Variants in TMTC2 observed in about 807,000 individuals in gnomAD.
The protein encoded by TMTC2 is protein O-mannosyl-transferase TMTC2.
A neutral mutation model predicts 82.4 loss-of-function variants in TMTC2; 43 were observed. The ratio of observed to expected loss-of-function variants is 0.52; its 90% CI spans 0.41 to 0.67. TMTC2 has a LOEUF of 0.67. Among genes scored for constraint, TMTC2 ranks in the 30% least tolerant of loss-of-function variants. The probability of loss-of-function intolerance (pLI) is 0.00; values close to 1 mark genes in which losing one functional copy is unlikely to be tolerated. For synonymous variants in TMTC2, 408 were observed against 381.9 expected (o/e 1.07, Z -0.80); for missense variants, 919 against 1,012.4 (o/e 0.91, Z 1.25).
At chr12:83,096,075 C>T (rs1884018678) in intron 11 of TMTC2, among the ~76,000 whole-genome samples, 1 of 152,230 alleles carries the variant, frequency 6.6e-6, no homozygotes, top group South Asian at 2.1e-4. Context: ...ACTTTACAGG[C>T]ACTTCACAGA....
chr12:83,043,093 T>C (rs1358185205), intron 9 of TMTC2, among the ~76,000 whole-genome samples: 1 of 152,144 alleles, frequency 6.6e-6, no homozygotes, highest in Non-Finnish European at 1.5e-5. Flanking sequence ...AAGGGAAGGC[T>C]AGAGAGATTA....
intron 4 of TMTC2, among the ~76,000 whole-genome samples, chr12:82,960,643 A>C (rs573008401): frequency 6.6e-6 from 1 of 151,942 alleles, no homozygotes; most frequent in East Asian, 1.9e-4. Flanking sequence ...GGAGGGAGGA[A>C]AGGAGGAAGG....
chr12:82,709,958 G>GT (rs1156330558), intron 1 of TMTC2, among the ~76,000 whole-genome samples: 2 of 151,984 alleles, frequency 1.3e-5, no homozygotes, highest in Admixed American at 6.6e-5. Flanking sequence ...TAATTCTGTA[G>GT]TTTTTTTTCA....
chr12:82,829,238 T>C (rs1592556215), intron 1 of TMTC2, among the ~76,000 whole-genome samples: 1 of 152,308 alleles, frequency 6.6e-6, no homozygotes, highest in East Asian at 1.9e-4. Context: ...AAATTTATAA[T>C]TGGAACTAAA....
chr12:82,903,951 C>T (rs892643518), intron 3 of TMTC2, among the ~76,000 whole-genome samples: 1 of 152,068 alleles, frequency 6.6e-6, no homozygotes, highest in Non-Finnish European at 1.5e-5. Context: ...GGGTTAGAAT[C>T]GGGAGTAGAG....
intron 2 of TMTC2, among the ~76,000 whole-genome samples, chr12:82,882,014 T>G (rs1872848421): frequency 6.8e-6 from 1 of 147,674 alleles, no homozygotes; most frequent in African/African-American, 2.5e-5. Context: ...TTTTTTTTTT[T>G]TTTGAGACGG....
chr12:82,923,282 G>A (rs146207732), intron 3 of TMTC2, among the ~76,000 whole-genome samples: 9 of 152,104 alleles, frequency 5.9e-5, no homozygotes, highest in African/African-American at 1.9e-4. Context: ...ATTTATTTTG[G>A]TTTTCCTTTT....
intron 8 of TMTC2, among the ~76,000 whole-genome samples, chr12:83,004,362 T>C (rs911237657): frequency 1.3e-5 from 2 of 152,220 alleles, no homozygotes; most frequent in African/African-American, 4.8e-5. Context: ...TCCAAATTTC[T>C]AAATTGTACA....
intron 1 of TMTC2, among the ~76,000 whole-genome samples, chr12:82,805,239 G>T (rs1328598387): frequency 6.6e-6 from 1 of 152,162 alleles, no homozygotes; most frequent in East Asian, 1.9e-4. Flanking sequence ...AACAAGCTAT[G>T]ACCTAATGCT....
chr12:82,954,216 C>T (rs899420956), intron 4 of TMTC2, among the ~76,000 whole-genome samples: 5 of 152,080 alleles, frequency 3.3e-5, no homozygotes, highest in African/African-American at 4.8e-5. Flanking sequence ...CTTGAGTTTT[C>T]GTACACATGG....
intron 8 of TMTC2, among the ~76,000 whole-genome samples, chr12:83,002,111 T>C (rs1373033762): frequency 6.6e-6 from 1 of 152,146 alleles, no homozygotes; most frequent in Non-Finnish European, 1.5e-5. Context: ...AGTGGAAATC[T>C]TTTTTGGTGG....
At chr12:82,805,600 G>A (rs1447210612) in intron 1 of TMTC2, among the ~76,000 whole-genome samples, 1 of 144,118 alleles carries the variant, frequency 6.9e-6, no homozygotes, top group Non-Finnish European at 1.5e-5. Context: ...CTCCGTCTCC[G>A]GGGTTCACGC....
chr12:82,728,756 C>T (rs370516907), intron 1 of TMTC2, among the ~76,000 whole-genome samples: 6 of 152,282 alleles, frequency 3.9e-5, no homozygotes, highest in East Asian at 1.9e-4. Context: ...CCTCAGCTTG[C>T]GGGGAGGTGT....
Position 82,850,337 on chromosome 12 carries a change from T to C in TMTC2, c.84-6673T>C, listed in dbSNP as rs558991892. Among the ~76,000 whole-genome samples the C allele has an allele frequency of 2.0e-5, 3 of 152,256 alleles. No homozygotes were observed. In the East Asian group the frequency reaches 5.8e-4, roughly 29 times the overall value. On this transcript the variant is annotated intron_variant, in intron 1 of 11. Coordinates refer to ENST00000321196, the MANE Select transcript of TMTC2 (RefSeq NM_152588.3). ...GGCTAATTCGCAAAAGCAGCACATG[T>C]AGTGTTAATAGAAGACCCTGGATTC...
At chr12:82,740,853 C>T (rs1769365668) in intron 1 of TMTC2, among the ~76,000 whole-genome samples, 1 of 152,208 alleles carries the variant, frequency 6.6e-6, no homozygotes, top group South Asian at 2.1e-4. Context: ...TAAAAGGCCT[C>T]TTTCATGCTG....
chr12:82,877,357 G>A (rs1344943697), intron 2 of TMTC2, among the ~76,000 whole-genome samples: 1 of 152,138 alleles, frequency 6.6e-6, no homozygotes, highest in Non-Finnish European at 1.5e-5. Context: ...GACAGTTGCT[G>A]TTTCAGGAAT....
intron 3 of TMTC2, among the ~76,000 whole-genome samples, chr12:82,897,027 C>T (rs1873723412): frequency 6.6e-6 from 1 of 152,154 alleles, no homozygotes; most frequent in Admixed American, 6.6e-5. Context: ...CTGAAGTATA[C>T]TTCAGCTCTT....
At chr12:82,732,423 A>G (rs1592884225) in intron 1 of TMTC2, among the ~76,000 whole-genome samples, 1 of 151,780 alleles carries the variant, frequency 6.6e-6, no homozygotes, top group African/African-American at 2.4e-5. Context: ...GCTCACTGCA[A>G]CCTCTGCCTC....
chr12:82,771,602 A>G (rs1877314621), intron 1 of TMTC2, among the ~76,000 whole-genome samples: 1 of 152,194 alleles, frequency 6.6e-6, no homozygotes, highest in East Asian at 1.9e-4. Context: ...AGAATAAATA[A>G]TGGTATAACT....
Sources: allele counts gnomAD v4.1 joint callset (sites outside exome capture counted in the v4.1 genomes callset), GRCh38; gene constraint gnomAD v4.1.1; transcripts MANE v1.5; gene names NCBI Gene and HGNC (gene_info 2026-07-23, HGNC 2026-07-21).